CELF4: variants seen among roughly 807,000 people sequenced by gnomAD.
CELF4 encodes CUGBP Elav-like family member 4, also known as CUG-BP- and ETR-3-like factor 4.
CELF4 carries 18 observed loss-of-function variants against 59.9 expected under a neutral mutation model. The observed-to-expected ratio is 0.30, with a 90% confidence interval of 0.21 to 0.45. The LOEUF is 0.45. CELF4 is among the 20% of genes least tolerant of loss of function. The pLI is 1.00. For synonymous variants in CELF4, 261 were observed against 267.1 expected (o/e 0.98, Z 0.22); for missense variants, 456 against 689.0 (o/e 0.66, Z 3.79).
intron 2 of CELF4, among the ~76,000 whole-genome samples, chr18:37,365,053 C>CT (rs1161006450): frequency 6.6e-6 from 1 of 152,022 alleles, no homozygotes; most frequent in Non-Finnish European, 1.5e-5. Context: ...GGAGAGGTTG[C>CT]TGGGAGAATG....
chr18:37,444,376 G>A (rs8090693), intron 2 of CELF4, among the ~76,000 whole-genome samples: 57,065 of 151,754 alleles, frequency 0.38, 11,305 homozygotes, highest in East Asian at 0.62. Flanking sequence ...GTGTCTGGAC[G>A]CTTTGACGAA....
rs1250353392 is a variant in CELF4 at position 37,254,120 on chromosome 18, C to CG, written c.1334-183dup. ...CCCGCGCGCGCGTGCTAGGCCCCTC[C>CG]GGGGGCAGGCGCTGGCGGGGACCCG... On this transcript the variant is annotated intron_variant, in intron 11 of 12. Transcript: ENST00000420428. The surrounding 1 kb of genome is among the most constrained non-coding windows in gnomAD (Gnocchi z 5.1). 7.8e-6 allele frequency: 2 copies of CG among 257,634 alleles called. No individual in the cohort carries two copies. Among genetic ancestry groups the CG allele is most frequent in the Admixed American group, 5.7e-5 (1 of 17,570 alleles). The allele number at this position is 257,634 out of a possible 1,614,324, so 16.0% of individuals were successfully genotyped here.
chr18:37,539,340 G>A (rs2154605391), intron 1 of CELF4, among the ~76,000 whole-genome samples: 1 of 152,300 alleles, frequency 6.6e-6, no homozygotes, highest in African/African-American at 2.4e-5. Flanking sequence ...TAGAGAGTGG[G>A]AGAGCCCACA....
intron 11 of CELF4, among the ~76,000 whole-genome samples, chr18:37,256,029 G>C (rs2069138015): frequency 6.6e-6 from 1 of 152,200 alleles, no homozygotes; most frequent in Non-Finnish European, 1.5e-5. Flanking sequence ...TGAACTGTTA[G>C]TAACTGGCTA....
intron 2 of CELF4, among the ~76,000 whole-genome samples, chr18:37,363,327 C>T (rs562777112): frequency 2.6e-5 from 4 of 152,320 alleles, no homozygotes; most frequent in East Asian, 3.9e-4. Flanking sequence ...TACCAGGACA[C>T]AAACAACAAA....
At chr18:37,273,673 A>C in intron 6 of CELF4, 1 of 988,070 alleles carries the variant, frequency 1.0e-6, no homozygotes, top group Non-Finnish European at 1.2e-6. Flanking sequence ...GAATGTGGCC[A>C]AGGCGGACAG....
At chr18:37,348,940 C>G (rs2098370968) in intron 2 of CELF4, among the ~76,000 whole-genome samples, 1 of 152,150 alleles carries the variant, frequency 6.6e-6, no homozygotes, top group African/African-American at 2.4e-5. Context: ...TCTCTCATGC[C>G]TCCAGGGGGT....
chr18:37,466,529 G>A (rs1211459699), intron 2 of CELF4, among the ~76,000 whole-genome samples: 2 of 152,176 alleles, frequency 1.3e-5, no homozygotes, highest in Non-Finnish European at 2.9e-5. Flanking sequence ...CTTCCAGGAT[G>A]TCTGCTTAGG....
intron 2 of CELF4, among the ~76,000 whole-genome samples, chr18:37,368,261 A>C (rs2154563673): frequency 6.6e-6 from 1 of 152,164 alleles, no homozygotes; most frequent in Admixed American, 6.5e-5. Context: ...AATGTGGAGG[A>C]ATCTGCCATC....
At chr18:37,474,460 G>T (rs2099843061) in intron 2 of CELF4, among the ~76,000 whole-genome samples, 1 of 152,214 alleles carries the variant, frequency 6.6e-6, no homozygotes, top group African/African-American at 2.4e-5. Context: ...GGGTGACGGG[G>T]ACGGTTCCTG....
At chr18:37,421,908 C>T (rs949289095) in intron 2 of CELF4, among the ~76,000 whole-genome samples, 3 of 152,264 alleles carry the variant, frequency 2.0e-5, no homozygotes, top group Non-Finnish European at 4.4e-5. Context: ...ACACCTCCCT[C>T]TGGTCACCCA....
intron 2 of CELF4, among the ~76,000 whole-genome samples, chr18:37,453,773 A>C (rs1049025277): frequency 2.0e-5 from 3 of 152,214 alleles, no homozygotes; most frequent in African/African-American, 7.2e-5. Context: ...GATGGCCAGC[A>C]GCCTGGGAAC....
intron 2 of CELF4, among the ~76,000 whole-genome samples, chr18:37,347,639 G>A (rs1326678343): frequency 1.3e-5 from 2 of 152,126 alleles, no homozygotes; most frequent in African/African-American, 4.8e-5. Flanking sequence ...CTGAGCACAT[G>A]TCTGCGGGCA....
At chr18:37,310,286 C>G (rs777473849) in intron 3 of CELF4, among the ~76,000 whole-genome samples, 12 of 152,094 alleles carry the variant, frequency 7.9e-5, no homozygotes, top group Non-Finnish European at 1.2e-4. Flanking sequence ...CCAGCCAGGT[C>G]CCTGCTCCCC....
chr18:37,282,370 A>G (rs2094251669), intron 3 of CELF4, among the ~76,000 whole-genome samples: 2 of 152,030 alleles, frequency 1.3e-5, no homozygotes. Flanking sequence ...AAAAACAGAC[A>G]TTTCCCCTAA....
chr18:37,429,770 A>G (rs575925684), intron 2 of CELF4, among the ~76,000 whole-genome samples: 6 of 152,318 alleles, frequency 3.9e-5, no homozygotes, highest in Admixed American at 1.3e-4. Flanking sequence ...GGCCTTGCGC[A>G]GGGGCTCTCC....
At chr18:37,417,166 A>G (rs2040305) in intron 2 of CELF4, among the ~76,000 whole-genome samples, 99,762 of 152,156 alleles carry the variant, frequency 0.66, 33,720 homozygotes, top group South Asian at 0.83. Context: ...GCACCTCTGT[A>G]TAGTTTACGG....
At chr18:37,440,439 C>A (rs1417487833) in intron 2 of CELF4, among the ~76,000 whole-genome samples, 1 of 152,202 alleles carries the variant, frequency 6.6e-6, no homozygotes, top group African/African-American at 2.4e-5. Context: ...CCAGGCTCAG[C>A]CCGCTGTCCC....
At chr18:37,313,080 C>T (rs1483298921) in intron 3 of CELF4, among the ~76,000 whole-genome samples, 3 of 152,180 alleles carry the variant, frequency 2.0e-5, no homozygotes, top group African/African-American at 7.2e-5. Context: ...CAGACTCCTT[C>T]TCCTTCAGTC....
Sources: gnomAD v4.1 joint callset for allele counts (sites outside exome capture counted in the v4.1 genomes callset) on GRCh38, gnomAD v4.1.1 for gene constraint, Gnocchi (gnomAD v3.1) non-coding constraint, MANE v1.5 for transcripts, NCBI Gene and HGNC (gene_info 2026-07-23, HGNC 2026-07-21) for gene names.